Variants in OLA1 observed in about 807,000 individuals in gnomAD.
OLA1 encodes the protein obg-like ATPase 1.
Under a neutral mutation model 48.4 loss-of-function variants are expected in OLA1, and 14 were observed. The observed-to-expected ratio is 0.29, with a 90% confidence interval of 0.19 to 0.45. The LOEUF (loss-of-function observed/expected upper bound fraction) is 0.45. Among genes scored for constraint, OLA1 ranks in the 20% least tolerant of loss-of-function variants. OLA1 has a pLI of 1.00. For synonymous variants in OLA1, 127 were observed against 150.4 expected (o/e 0.84, Z 1.14); for missense variants, 325 against 467.1 (o/e 0.70, Z 2.80).
At chr2:174,163,712 AT>A (rs1455218620) in intron 4 of OLA1, among the ~76,000 whole-genome samples, 22 of 4,892 alleles carry the variant, frequency 4.5e-3, no homozygotes, top group African/African-American at 0.018. Context: ...AAATAAATAA[AT>A]ATATATATAT....
chr2:174,164,004 A>G (rs1687096581), intron 4 of OLA1, among the ~76,000 whole-genome samples: 1 of 151,384 alleles, frequency 6.6e-6, no homozygotes, highest in South Asian at 2.1e-4. Flanking sequence ...GAGGTAATTG[A>G]ATCATGGGAG....
At chr2:174,101,761 C>G in intron 7 of OLA1, among the ~76,000 whole-genome samples, 1 of 152,126 alleles carries the variant, frequency 6.6e-6, no homozygotes, top group Non-Finnish European at 1.5e-5. Flanking sequence ...TTTAGTCTTG[C>G]TTGACAAGCA....
At chr2:174,105,116 C>T (rs1685485939) in intron 7 of OLA1, among the ~76,000 whole-genome samples, 1 of 151,656 alleles carries the variant, frequency 6.6e-6, no homozygotes, top group Non-Finnish European at 1.5e-5. Context: ...GCTAATCACT[C>T]AGTTTAAAAA....
intron 2 of OLA1, among the ~76,000 whole-genome samples, chr2:174,245,752 G>A (rs1370900273): frequency 6.6e-6 from 1 of 151,730 alleles, no homozygotes. Flanking sequence ...AAATTAGCCG[G>A]GCGTGGTGGC....
chr2:174,158,313 A>G (rs545565637), intron 4 of OLA1, among the ~76,000 whole-genome samples: 2 of 152,052 alleles, frequency 1.3e-5, no homozygotes, highest in East Asian at 3.9e-4. Context: ...AAATACAGTG[A>G]TCGCATATTT....
intron 7 of OLA1, among the ~76,000 whole-genome samples, chr2:174,095,325 GTTTTTTTTTTTTT>G (rs1205716344): frequency 5.1e-5 from 4 of 78,010 alleles, no homozygotes; most frequent in East Asian, 3.1e-4. Flanking sequence ...GTTATTTCCT[GTTTTTTTTTTTTT>G]TTTTTTTTTT....
At chr2:174,082,516 C>T (rs1172113008) in intron 7 of OLA1, among the ~76,000 whole-genome samples, 1 of 152,126 alleles carries the variant, frequency 6.6e-6, no homozygotes. Flanking sequence ...TTTGTTCCAG[C>T]CAGATATCTA....
intron 4 of OLA1, among the ~76,000 whole-genome samples, chr2:174,178,279 A>G (rs1381524981): frequency 6.6e-6 from 1 of 152,004 alleles, no homozygotes; most frequent in Non-Finnish European, 1.5e-5. Flanking sequence ...GCCTACGCAA[A>G]AGTTAAAAAC....
intron 2 of OLA1, among the ~76,000 whole-genome samples, chr2:174,241,493 G>A (rs1000354570): frequency 1.3e-5 from 2 of 152,114 alleles, no homozygotes; most frequent in Non-Finnish European, 2.9e-5. Context: ...TTGGGAGAAG[G>A]CAATTTGCAG....
intron 7 of OLA1, among the ~76,000 whole-genome samples, chr2:174,119,420 T>C (rs1685857891): frequency 6.6e-6 from 1 of 152,130 alleles, no homozygotes; most frequent in Non-Finnish European, 1.5e-5. Flanking sequence ...AATAGTTCTA[T>C]AGAAATAGTT....
In OLA1 at chr2:174,181,048, T is replaced by C. The variant is rs1687521734; in HGVS notation, c.374-39048A>G. ...CAAGGAGGCTGGTAGCATCATTCAC[T>C]CACTCATTCAACAAATATTGAAGAG... On this transcript the variant is annotated intron_variant, in intron 4 of 10. Transcript: ENST00000284719. Among the ~76,000 whole-genome samples, 4 of 152,208 alleles carry C rather than the reference T, an allele frequency of 2.6e-5. No homozygotes were observed. The South Asian group carries it at 8.3e-4, about 32-fold the overall frequency.
At position 174,081,952 on chromosome 2, in the gene OLA1, T is replaced by G. The variant is rs1558944548; in HGVS notation, c.841A>C (p.Lys281Gln). The G allele has an allele frequency of 2.5e-5, 41 of 1,612,638 alleles. No individual in the cohort carries two copies. The highest frequency in any genetic ancestry group is 3.3e-5 in the Non-Finnish European group (39 of 1,179,394). The change falls in exon 8 of 11, where the codon AAG becomes CAG. Residue 281 changes from lysine to glutamine, a missense_variant. By Grantham distance (53) the Lys-to-Gln change is moderately conservative. Transcript: ENST00000284719. ...LQELSAEERQ[K>Q]YLEANMTQSA... is the part of the protein sequence containing the mutation. The stretch of plus-strand genomic sequence containing the variant: ...TGTGTCATGTTCGCTTCCAGATACT[T>G]CTGTCTCTCCTCAGCACTCAATTCT...
At chr2:174,107,745 A>G (rs984983076) in intron 7 of OLA1, among the ~76,000 whole-genome samples, 2 of 152,106 alleles carry the variant, frequency 1.3e-5, no homozygotes, top group African/African-American at 4.8e-5. Flanking sequence ...GGAAGTCATC[A>G]GCTGATAGAA....
At chr2:174,246,083 T>A (rs1297064356) in intron 2 of OLA1, among the ~76,000 whole-genome samples, 1 of 151,824 alleles carries the variant, frequency 6.6e-6, no homozygotes, top group African/African-American at 2.4e-5. Context: ...GTGGATCATA[T>A]GAGGTCAGGG....
intron 10 of OLA1, 70 bp downstream of exon 10, chr2:174,078,898 C>T: frequency 6.9e-7 from 1 of 1,452,246 alleles, no homozygotes; most frequent in Non-Finnish European, 9.3e-7. Flanking sequence ...AATTATCATT[C>T]ATTTTTATCA....
At chr2:174,081,362 CCATT>C (rs1345465639) in intron 8 of OLA1, 114 bp from the exon 9 acceptor site, 8 of 710,132 alleles carry the variant, frequency 1.1e-5, no homozygotes, top group Non-Finnish European at 1.9e-5. Context: ...TAGTAAATGA[CCATT>C]CATCTTTCAG....
intron 4 of OLA1, among the ~76,000 whole-genome samples, chr2:174,171,159 A>G: frequency 6.6e-6 from 1 of 152,202 alleles, no homozygotes; most frequent in East Asian, 1.9e-4. Flanking sequence ...TAAAGATGAA[A>G]TGAACAATTC....
chr2:174,095,937 AAATAT>A (rs1203854652), intron 7 of OLA1, among the ~76,000 whole-genome samples: 13 of 152,170 alleles, frequency 8.5e-5, no homozygotes, highest in Non-Finnish European at 1.9e-4. Flanking sequence ...ATAAACATAA[AAATAT>A]AATAATATAG....
intron 4 of OLA1, among the ~76,000 whole-genome samples, chr2:174,156,960 AAGTAGTTGACTGTTGGGT>A (rs1282555183): frequency 6.6e-6 from 1 of 151,902 alleles, no homozygotes; most frequent in Non-Finnish European, 1.5e-5. Flanking sequence ...GATGGTCACA[AAGTAGTTGACTGTTGGGT>A]AGTAGTAACA....
Sources: gnomAD v4.1 joint callset for allele counts (sites outside exome capture counted in the v4.1 genomes callset) on GRCh38, gnomAD v4.1.1 for gene constraint, MANE v1.5 for transcripts, NCBI Gene and HGNC (gene_info 2026-07-23, HGNC 2026-07-21) for gene names.